The following CACHD1 variants were observed in gnomAD, a reference collection of about 807,000 sequenced individuals.
The protein encoded by CACHD1 is VWFA and cache domain-containing protein 1.
A neutral mutation model predicts 138.7 loss-of-function variants in CACHD1; 71 were observed. That is an observed-to-expected ratio of 0.51 (90% CI 0.42 to 0.62). The LOEUF (loss-of-function observed/expected upper bound fraction) is 0.62, where lower values mean the gene tolerates loss of function less well. CACHD1 is among the 20% of genes least tolerant of loss of function. The probability of loss-of-function intolerance (pLI) is 0.00; values close to 1 mark genes in which losing one functional copy is unlikely to be tolerated. For synonymous variants in CACHD1, 578 were observed against 591.5 expected, an observed-to-expected ratio of 0.98 and a Z score of 0.33; for missense variants, 1,389 against 1,625.3, an observed-to-expected ratio of 0.85 and a Z score of 2.50.
intron 1 of CACHD1, among the ~76,000 whole-genome samples, chr1:64,542,803 C>A (rs942353681): frequency 2.0e-5 from 3 of 152,074 alleles, no homozygotes; most frequent in African/African-American, 2.4e-5. Flanking sequence ...CATGTACTTA[C>A]AATATTCAGC....
At chr1:64,548,858 A>G (rs1646737613) in intron 1 of CACHD1, among the ~76,000 whole-genome samples, 1 of 152,252 alleles carries the variant, frequency 6.6e-6, no homozygotes. Flanking sequence ...ACACATAGGG[A>G]TTGTTGATCT....
intron 2 of CACHD1, among the ~76,000 whole-genome samples, chr1:64,558,018 C>T (rs1246856017): frequency 3.3e-5 from 5 of 151,962 alleles, no homozygotes; most frequent in Non-Finnish European, 7.4e-5. Context: ...AGGCTTTTCT[C>T]GAACTCCTGA....
At chr1:64,558,601 G>A (rs574419128) in intron 2 of CACHD1, among the ~76,000 whole-genome samples, 6 of 152,206 alleles carry the variant, frequency 3.9e-5, no homozygotes, top group South Asian at 4.2e-4. Context: ...AAGATTTCAC[G>A]ACAAAGACAC....
intron 3 of CACHD1, among the ~76,000 whole-genome samples, chr1:64,596,752 T>C (rs1647156096): frequency 6.6e-6 from 1 of 152,182 alleles, no homozygotes; most frequent in African/African-American, 2.4e-5. Flanking sequence ...TTAGCAGTGA[T>C]TAAAAACAAG....
chr1:64,673,485 AAC>A (rs773839304), intron 19 of CACHD1, 21 bp downstream of exon 19: 1 of 1,544,334 alleles, frequency 6.5e-7, no homozygotes. Flanking sequence ...CTGATTCCTT[AAC>A]ACTCTCATTT....
intron 4 of CACHD1, among the ~76,000 whole-genome samples, chr1:64,604,124 A>G (rs1647269580): frequency 6.6e-6 from 1 of 152,242 alleles, no homozygotes; most frequent in Non-Finnish European, 1.5e-5. Context: ...AGTTTGGGGC[A>G]GAAATTGTAA....
chr1:64,511,942 A>G (rs975775196), intron 1 of CACHD1, among the ~76,000 whole-genome samples: 1 of 152,230 alleles, frequency 6.6e-6, no homozygotes, highest in African/African-American at 2.4e-5. Flanking sequence ...GAGATAAAGC[A>G]TTTGGCATAG....
At chr1:64,634,838 C>CA (rs547819961) in intron 7 of CACHD1, among the ~76,000 whole-genome samples, 5 of 150,990 alleles carry the variant, frequency 3.3e-5, no homozygotes, top group Non-Finnish European at 7.4e-5. Flanking sequence ...ACTAAAAATA[C>CA]AAAAAAAATT....
intron 1 of CACHD1, among the ~76,000 whole-genome samples, chr1:64,525,347 T>G (rs1348047875): frequency 6.6e-6 from 1 of 152,116 alleles, no homozygotes; most frequent in African/African-American, 2.4e-5. Context: ...TAATACATAC[T>G]CAAAAAATGT....
chr1:64,576,361 C>T (rs1263609860), intron 2 of CACHD1, among the ~76,000 whole-genome samples: 2 of 152,034 alleles, frequency 1.3e-5, no homozygotes, highest in Non-Finnish European at 2.9e-5. Flanking sequence ...ATTGGCCCTT[C>T]GGTCCTCTTC....
In CACHD1 at chr1:64,677,062, T is replaced by C. The variant is rs868118651; in HGVS notation, c.3092+51T>C. ...AGGTTTTCCAGCTAATATTTATTAT[T>C]CCTACTCTTCGTGTTTTAAAAAGGT... is the stretch of plus-strand genomic sequence containing the variant. On this transcript the variant is annotated intron_variant, in intron 22 of 26. Coordinates refer to ENST00000651257, the MANE Select transcript of CACHD1 (RefSeq NM_020925.4). 2.2e-6 allele frequency: 3 copies of C among 1,372,988 alleles called. No individual in the cohort carries two copies. In the Middle Eastern group the frequency reaches 5.5e-4, roughly 251 times the overall value. 85.1% of individuals were successfully genotyped at this position (1,372,988 alleles called of 1,614,324 possible).
intron 2 of CACHD1, among the ~76,000 whole-genome samples, chr1:64,550,896 T>A (rs932419073): frequency 2.0e-5 from 3 of 152,246 alleles, no homozygotes; most frequent in Non-Finnish European, 4.4e-5. Context: ...AATTCCTTTT[T>A]GTTTTAAAAA....
At chr1:64,602,567 C>T (rs529929816) in intron 3 of CACHD1, among the ~76,000 whole-genome samples, 75 of 146,464 alleles carry the variant, frequency 5.1e-4, no homozygotes, top group Non-Finnish European at 8.5e-4. Context: ...GGAGAAAAGT[C>T]GATTTGAAGA....
At chr1:64,564,549 T>G (rs1646866276) in intron 2 of CACHD1, among the ~76,000 whole-genome samples, 1 of 152,180 alleles carries the variant, frequency 6.6e-6, no homozygotes, top group South Asian at 2.1e-4. Flanking sequence ...TATGTCAGTT[T>G]AATTTGTAAC....
rs199764201 is a variant in CACHD1 at position 64,684,327 on chromosome 1, C to CGTG, written c.3586+2223_3586+2225dup. Among the ~76,000 whole-genome samples the CGTG allele has an allele frequency of 9.5e-3, 1,256 of 131,550 alleles. 22 individuals are homozygous for CGTG. Among genetic ancestry groups the CGTG allele is most frequent in the African/African-American group, 0.034 (1,184 of 35,040 alleles). The allele number at this position is 131,550 out of a possible 152,430, so 86.3% of individuals were successfully genotyped here. Reference sequence around the variant, plus strand: ...TATTTTATCGCCATTTAGTCATATTCGTGGATTTTCTTTGTTTTTTCTTCT... The same window carrying CGTG: ...TATTTTATCGCCATTTAGTCATATTCGTGGTGGATTTTCTTTGTTTTTTCTTCT... On this transcript the variant is annotated intron_variant, in intron 26 of 26. Coordinates refer to ENST00000651257, the MANE Select transcript of CACHD1 (RefSeq NM_020925.4).
chr1:64,516,548 T>C (rs1646461095), intron 1 of CACHD1, among the ~76,000 whole-genome samples: 1 of 152,200 alleles, frequency 6.6e-6, no homozygotes, highest in Non-Finnish European at 1.5e-5. Flanking sequence ...AAAAAAGGAA[T>C]GACCAAATGA....
Position 64,652,332 on chromosome 1 carries a change from C to T in CACHD1, c.1540+22C>T, listed in dbSNP as rs374093996. The T allele has an allele frequency of 5.0e-5, 78 of 1,573,540 alleles. No individual in the cohort carries two copies. The African/African-American group carries it at 8.4e-4, about 17-fold the overall frequency. ...AAAGGTAATCTGCTAAATGTTCATCCTAAGAATACTTTTTTAGAAACCTAA... is the reference window on the plus strand; with the variant it reads ...AAAGGTAATCTGCTAAATGTTCATCTTAAGAATACTTTTTTAGAAACCTAA... On this transcript the variant is annotated intron_variant, in intron 10 of 26. Transcript: ENST00000651257.
chr1:64,584,778 T>A (rs1252932296), intron 3 of CACHD1, among the ~76,000 whole-genome samples: 2 of 152,180 alleles, frequency 1.3e-5, no homozygotes, highest in African/African-American at 4.8e-5. Flanking sequence ...CTGAATTGAT[T>A]TAAATTGATA....
chr1:64,618,800 C>T (rs556078134), intron 4 of CACHD1, among the ~76,000 whole-genome samples: 4 of 152,068 alleles, frequency 2.6e-5, no homozygotes, highest in South Asian at 2.1e-4. Flanking sequence ...TGTGTGTTTT[C>T]GTTTGTCTGT....
Sources: allele counts gnomAD v4.1 joint callset (sites outside exome capture counted in the v4.1 genomes callset), GRCh38; gene constraint gnomAD v4.1.1; transcripts MANE v1.5; gene names NCBI Gene and HGNC (gene_info 2026-07-23, HGNC 2026-07-21).